Variants in CAPN9 observed in about 807,000 individuals in gnomAD.
CAPN9 encodes calpain 9, also known as calpain-9.
Under a neutral mutation model 92.8 loss-of-function variants are expected in CAPN9, and 81 were observed. The ratio of observed to expected loss-of-function variants is 0.87; its 90% CI spans 0.73 to 1.05. CAPN9 has a LOEUF of 1.05. Among genes scored for constraint, CAPN9 ranks in the 50% least tolerant of loss-of-function variants. CAPN9 has a pLI of 0.00. For synonymous variants in CAPN9, 304 were observed against 328.0 expected, an observed-to-expected ratio of 0.93 and a Z score of 0.79; for missense variants, 848 against 866.2, an observed-to-expected ratio of 0.98 and a Z score of 0.26.
intron 18 of CAPN9, among the ~76,000 whole-genome samples, chr1:230,796,335 TAAATA>T (rs1472568250): frequency 9.7e-6 from 1 of 103,496 alleles, no homozygotes; most frequent in African/African-American, 3.3e-5. Context: ...AAAATATAAA[TAAATA>T]AATAAATAAA....
intron 10 of CAPN9, 40 bp downstream of exon 10, chr1:230,780,376 G>C: frequency 6.2e-7 from 1 of 1,608,636 alleles, no homozygotes; most frequent in Non-Finnish European, 8.5e-7. Flanking sequence ...TTCTCCATCT[G>C]AGTTCTAAAT....
At chr1:230,748,759 C>T (rs1159800878) in intron 1 of CAPN9, among the ~76,000 whole-genome samples, 1 of 152,114 alleles carries the variant, frequency 6.6e-6, no homozygotes, top group Non-Finnish European at 1.5e-5. Context: ...GCAAAGGACT[C>T]ATCATAACTA....
chr1:230,785,444 T>A (rs1572074363), intron 11 of CAPN9, among the ~76,000 whole-genome samples: 1 of 151,796 alleles, frequency 6.6e-6, no homozygotes, highest in African/African-American at 2.4e-5. Context: ...TGATGGGAGG[T>A]GTTTGGGTCA....
At chr1:230,788,664 G>C (rs2102920074) in intron 13 of CAPN9, among the ~76,000 whole-genome samples, 1 of 152,318 alleles carries the variant, frequency 6.6e-6, no homozygotes, top group East Asian at 1.9e-4. Context: ...ATCGGATGGA[G>C]AAAATGGGGG....
In CAPN9 at chr1:230,774,624, GAA is replaced by G. The variant is rs1666616835; in HGVS notation, c.947_948del (p.Glu316ValfsTer6). ...RLCHTALDDG[E>X]FWMAFKDFKA... ...GTGTCACACTGCTCTGGATGATGGGGAATTCTGGTACCGTGCTTGTTCCTGTG... is the reference window on the plus strand; with the variant it reads ...GTGTCACACTGCTCTGGATGATGGGGTTCTGGTACCGTGCTTGTTCCTGTG... On this transcript the variant is annotated frameshift_variant, in exon 8 of 20. Coordinates refer to ENST00000271971, the MANE Select transcript of CAPN9 (RefSeq NM_006615.3). LOFTEE classifies it high-confidence loss of function. The G allele has an allele frequency of 6.2e-7, 1 of 1,613,214 alleles. No individual in the cohort carries two copies. The highest frequency in any genetic ancestry group is 1.1e-5 in the South Asian group (1 of 91,074).
intron 12 of CAPN9, 138 bp downstream of exon 12, chr1:230,786,155 C>T: frequency 6.4e-7 from 1 of 1,566,974 alleles, no homozygotes; most frequent in East Asian, 2.3e-5. Context: ...ATGATTCTAA[C>T]CTCCTGGAGA....
At chr1:230,791,824 T>C (rs1469376635) in intron 14 of CAPN9, 40 bp from the exon 15 acceptor site, 2 of 1,550,454 alleles carry the variant, frequency 1.3e-6, no homozygotes, top group Non-Finnish European at 1.8e-6. Flanking sequence ...AGGTTTATCT[T>C]ATCGGGTCAA....
intron 1 of CAPN9, 143 bp from the exon 2 acceptor site, chr1:230,755,194 A>T (rs1665144203): frequency 6.2e-6 from 4 of 649,496 alleles, no homozygotes; most frequent in Non-Finnish European, 1.1e-5. Context: ...AGCCTTTTAC[A>T]TCCACGTGGC....
At chr1:230,792,766 C>A (rs7522057) in intron 16 of CAPN9, 84 bp from the exon 17 acceptor site, 46 of 1,167,484 alleles carry the variant, frequency 3.9e-5, no homozygotes, top group Middle Eastern at 1.9e-4. Flanking sequence ...GTAGCTCCCC[C>A]GGGCTGGCTG....
Position 230,800,459 on chromosome 1 carries a change from C to T in CAPN9, c.2047-1111C>T, listed in dbSNP as rs189454565. Among the ~76,000 whole-genome samples the T allele has an allele frequency of 7.2e-5, 11 of 152,102 alleles. No homozygotes were observed. The East Asian group carries it at 1.9e-3, about 27-fold the overall frequency. Reference sequence around the variant, plus strand: ...TGGGAAGGTTTGTTACTCAGCGGCCCCCTGGCTAGTCAAAGGCTCCAGAGC... The same window carrying T: ...TGGGAAGGTTTGTTACTCAGCGGCCTCCTGGCTAGTCAAAGGCTCCAGAGC... On this transcript the variant is annotated intron_variant, in intron 19 of 19. Coordinates refer to ENST00000271971, the MANE Select transcript of CAPN9 (RefSeq NM_006615.3).
chr1:230,769,943 T>C (rs1666279237), intron 6 of CAPN9, among the ~76,000 whole-genome samples: 1 of 152,200 alleles, frequency 6.6e-6, no homozygotes, highest in South Asian at 2.1e-4. Flanking sequence ...GTATATAATA[T>C]AAATAATTAT....
At chr1:230,783,109 G>A (rs925534482) in intron 11 of CAPN9, among the ~76,000 whole-genome samples, 3 of 152,188 alleles carry the variant, frequency 2.0e-5, no homozygotes, top group African/African-American at 4.8e-5. Flanking sequence ...AGGCTGAATG[G>A]TCTCCAACAG....
intron 13 of CAPN9, among the ~76,000 whole-genome samples, chr1:230,788,453 C>G (rs1667757956): frequency 6.6e-6 from 1 of 152,112 alleles, no homozygotes; most frequent in South Asian, 2.1e-4. Flanking sequence ...CTCTTGGAGC[C>G]ATAAATACAA....
intron 8 of CAPN9, among the ~76,000 whole-genome samples, chr1:230,777,971 A>G (rs750660313): frequency 2.6e-5 from 4 of 151,898 alleles, no homozygotes; most frequent in African/African-American, 4.8e-5. Context: ...CTATCTTTAC[A>G]CTAATTCTCA....
chr1:230,801,465 T>C, intron 19 of CAPN9, 105 bp from the exon 20 acceptor site: 3 of 1,040,348 alleles, frequency 2.9e-6, no homozygotes, highest in Non-Finnish European at 4.6e-6. Flanking sequence ...AATGATCAAA[T>C]AGCAGATCTC....
intron 14 of CAPN9, 152 bp downstream of exon 14, chr1:230,790,341 TC>T (rs1667896601): frequency 7.2e-7 from 1 of 1,389,478 alleles, no homozygotes; most frequent in Non-Finnish European, 9.3e-7. Flanking sequence ...TTGTTTGTTT[TC>T]CTGATTCCAA....
chr1:230,759,719 A>G, intron 3 of CAPN9, 89 bp downstream of exon 3: 1 of 790,210 alleles, frequency 1.3e-6, no homozygotes. Flanking sequence ...TAACCCTAGA[A>G]AAAAATGTCA....
chr1:230,774,642 T>C lies in CAPN9; in HGVS notation c.953+11T>C. On this transcript the variant is annotated intron_variant, in intron 8 of 19. Coordinates refer to ENST00000271971, the MANE Select transcript of CAPN9 (RefSeq NM_006615.3). Reference sequence around the variant, plus strand: ...TGATGGGGAATTCTGGTACCGTGCTTGTTCCTGTGTTAACTGCAGATACGA... The same window carrying C: ...TGATGGGGAATTCTGGTACCGTGCTCGTTCCTGTGTTAACTGCAGATACGA... The C allele has an allele frequency of 1.2e-6, 2 of 1,606,126 alleles. No homozygotes were observed. Among genetic ancestry groups the C allele is most frequent in the Non-Finnish European group, 1.7e-6 (2 of 1,172,716 alleles).
chr1:230,761,653 C>A (rs1665651324), intron 3 of CAPN9, among the ~76,000 whole-genome samples: 2 of 151,990 alleles, frequency 1.3e-5, no homozygotes, highest in South Asian at 4.1e-4. Context: ...GATGACACAG[C>A]AAAGCTGTAA....
Sources: allele counts gnomAD v4.1 joint callset (sites outside exome capture counted in the v4.1 genomes callset), GRCh38; gene constraint gnomAD v4.1.1; transcripts MANE v1.5; gene names NCBI Gene and HGNC (gene_info 2026-07-23, HGNC 2026-07-21).